PURB: variants seen among roughly 807,000 people sequenced by gnomAD.
The protein encoded by PURB is transcriptional regulator protein Pur-beta.
In PURB, 11 loss-of-function variants were observed where a neutral mutation model predicts 21.1. That is an observed-to-expected ratio of 0.52 (90% CI 0.33 to 0.86). The LOEUF is 0.86. Ranked by LOEUF, PURB falls within the 40% of genes least tolerant of loss-of-function variation. The pLI is 0.02. For missense variants in PURB, 357 were observed against 456.5 expected (o/e 0.78, Z 1.99); for synonymous variants, 246 against 210.8 (o/e 1.17, Z -1.45).
In PURB at chr7:44,877,137, C is replaced by T. The variant is rs181552008; in HGVS notation, c.*7273G>A. 1.3e-5 allele frequency: 2 copies of T among 152,732 alleles called. No individual in the cohort carries two copies. The highest frequency in any genetic ancestry group is 6.5e-5 in the Admixed American group (1 of 15,300). The allele number at this position is 152,732 out of a possible 1,614,324, so 9.5% of individuals were successfully genotyped here. ...GATTCTCTACTGGCAGGACATCAGTCCCAGCTTTGGAGTGAATAGTCTAAG... is the reference window on the plus strand; with the variant it reads ...GATTCTCTACTGGCAGGACATCAGTTCCAGCTTTGGAGTGAATAGTCTAAG... On this transcript the variant is annotated 3_prime_UTR_variant, in exon 1 of 1. Transcript: ENST00000395699.
Position 44,878,706 on chromosome 7 carries a change from T to C in PURB, c.*5704A>G, listed in dbSNP as rs1397909105. 3.3e-5 allele frequency: 5 copies of C among 152,680 alleles called. No homozygotes were observed. The highest frequency in any genetic ancestry group is 1.2e-4 in the African/African-American group (5 of 41,464). 9.5% of individuals were successfully genotyped at this position (152,680 alleles called of 1,614,324 possible). A position where few individuals can be genotyped will look rare whatever the true frequency, so the allele number is the denominator to read the frequency against. On this transcript the variant is annotated 3_prime_UTR_variant, in exon 1 of 1. Transcript: ENST00000395699. The stretch of plus-strand genomic sequence containing the variant: ...CTTACTTGGATCAGGGGTACAGATA[T>C]CAATTGGGAATCTCTAAGGTAATAA...
At position 44,884,557 on chromosome 7, in the gene PURB, G is replaced by C. The variant is rs1793927306; in HGVS notation, c.792C>G (p.Ala264=). ...YRNAITVPFK[A]WGKFGGAFCR... ...AAAAGGCGCCTCCGAACTTGCCCCA[G>C]GCTTTGAAGGGTACGGTGATGGCAT... The change falls in exon 1 of 1, where the codon GCC becomes GCG. Residue 264 remains alanine (A), a synonymous_variant. Transcript: ENST00000395699. 5 of 1,614,156 alleles carry C rather than the reference G, an allele frequency of 3.1e-6. No individual in the cohort carries two copies. The highest frequency in any genetic ancestry group is 1.6e-4 in the Middle Eastern group (1 of 6,062).
rs140639322 is a variant in PURB, at chr7:44,883,892, A to G, written c.*518T>C. 173 of 154,936 alleles carry G rather than the reference A, an allele frequency of 1.1e-3. No homozygotes were observed. Among genetic ancestry groups the G allele is most frequent in the Non-Finnish European group, 2.0e-3 (139 of 69,774 alleles). The allele number at this position is 154,936 out of a possible 1,614,324, so 9.6% of individuals were successfully genotyped here. On this transcript the variant is annotated 3_prime_UTR_variant, in exon 1 of 1. Coordinates refer to ENST00000395699, the MANE Select transcript of PURB (RefSeq NM_033224.5). ...AACCCTCAGAACTGGGTAATTGTAA[A>G]GGCCTCTCTTCTCAAGGATTCCATG...
chr7:44,880,941 C>G lies in PURB; in HGVS notation c.*3469G>C, dbSNP rs1193066494. On this transcript the variant is annotated 3_prime_UTR_variant, in exon 1 of 1. Transcript: ENST00000395699. ...TTTCACTTTGATTTTTGGTGCCATA[C>G]AGATTTATATTTTGTTCTTGTGCAG... The G allele has an allele frequency of 2.6e-5, 4 of 152,554 alleles. No homozygotes were observed. The highest frequency in any genetic ancestry group is 1.5e-5 in the Non-Finnish European group (1 of 68,026). The allele number at this position is 152,554 out of a possible 1,614,324, so 9.5% of individuals were successfully genotyped here.
In PURB at chr7:44,876,912, C is replaced by G. The variant is rs1793809307; in HGVS notation, c.*7498G>C. ...GTGCAGCTTCTCTTGAAGCAGAAAT[C>G]AGTTCTACAAATTCATACACAGGAA... On this transcript the variant is annotated 3_prime_UTR_variant, in exon 1 of 1. Transcript: ENST00000395699. 2 of 152,610 alleles carry G rather than the reference C, an allele frequency of 1.3e-5. No individual in the cohort carries two copies. 9.5% of individuals were successfully genotyped at this position (152,610 alleles called of 1,614,324 possible). A position where few individuals can be genotyped will look rare whatever the true frequency, so the allele number is the denominator to read the frequency against.
At position 44,880,387 on chromosome 7, in the gene PURB, A is replaced by G. The variant is rs1199172544; in HGVS notation, c.*4023T>C. On this transcript the variant is annotated 3_prime_UTR_variant, in exon 1 of 1. Transcript: ENST00000395699. ...ATAAAGTACCATAATTGGGTTAAAA[A>G]TGAAAACAAAATTTACAGTGAAGAA... The G allele has an allele frequency of 6.5e-6, 1 of 152,688 alleles. No individual in the cohort carries two copies. Among genetic ancestry groups the G allele is most frequent in the African/African-American group, 2.4e-5 (1 of 41,460 alleles). The allele number at this position is 152,688 out of a possible 1,614,324, so 9.5% of individuals were successfully genotyped here.
Position 44,877,272 on chromosome 7 carries a change from T to G in PURB, c.*7138A>C, listed in dbSNP as rs1164373132. ...TTTTAAAAATGATCTTGGAAAAACA[T>G]CTGGATGGAGGCCCAAAATAATAAA... On this transcript the variant is annotated 3_prime_UTR_variant, in exon 1 of 1. Transcript: ENST00000395699. 1 of 152,204 alleles carries G rather than the reference T, an allele frequency of 6.6e-6. No homozygotes were observed. Among genetic ancestry groups the G allele is most frequent in the Non-Finnish European group, 1.5e-5 (1 of 68,030 alleles). The allele number at this position is 152,204 out of a possible 1,614,324, so 9.4% of individuals were successfully genotyped here. A position where few individuals can be genotyped will look rare whatever the true frequency, so the allele number is the denominator to read the frequency against.
In PURB at chr7:44,885,292, G is replaced by A; in HGVS notation, c.57C>T (p.Phe19=). ...CGCCGCCGCCGCGGGACGCGGGCTG[G>A]AACCCGCACGGCCCACCGCCGCCGC... ...ERGGGGGPCG[F]QPASRGGGEQ... The change falls in exon 1 of 1, where the codon TTC becomes TTT. Residue 19 remains phenylalanine, a synonymous_variant. Coordinates refer to ENST00000395699, the MANE Select transcript of PURB (RefSeq NM_033224.5). The A allele has an allele frequency of 6.6e-7, 1 of 1,517,274 alleles. No homozygotes were observed. Among genetic ancestry groups the A allele is most frequent in the Non-Finnish European group, 8.7e-7 (1 of 1,143,876 alleles). The allele number at this position is 1,517,274 out of a possible 1,614,324, so 94.0% of individuals were successfully genotyped here.
At position 44,876,916 on chromosome 7, in the gene PURB, T is replaced by A. The variant is rs530115882; in HGVS notation, c.*7494A>T. On this transcript the variant is annotated 3_prime_UTR_variant, in exon 1 of 1. Coordinates refer to ENST00000395699, the MANE Select transcript of PURB (RefSeq NM_033224.5). ...AGCTTCTCTTGAAGCAGAAATCAGT[T>A]CTACAAATTCATACACAGGAATACA... The A allele has an allele frequency of 3.3e-5, 5 of 152,750 alleles. No individual in the cohort carries two copies. The highest frequency in any genetic ancestry group is 5.9e-5 in the Non-Finnish European group (4 of 68,036). 9.5% of individuals were successfully genotyped at this position (152,750 alleles called of 1,614,324 possible).
rs550671105 is a variant in PURB, at chr7:44,885,163, G to C, written c.186C>G (p.Ala62=). The C allele has an allele frequency of 1.9e-6, 3 of 1,582,110 alleles. No homozygotes were observed. Among genetic ancestry groups the C allele is most frequent in the East Asian group, 4.8e-5 (2 of 42,104 alleles). The change falls in exon 1 of 1, where the codon GCC becomes GCG. Residue 62 remains alanine, a synonymous_variant. Coordinates refer to ENST00000395699, the MANE Select transcript of PURB (RefSeq NM_033224.5). Reference sequence around the variant, plus strand: ...TCTTGGAACCGCCCGCGCCCACCTCGGCGATCTTGAGGAAGCGGCCCTTGG... The same window carrying C: ...TCTTGGAACCGCCCGCGCCCACCTCCGCGATCTTGAGGAAGCGGCCCTTGG... ...QNAKGRFLKI[A]EVGAGGSKSR...
chr7:44,885,315 C>A lies in PURB; in HGVS notation c.34G>T (p.Gly12Cys). The change falls in exon 1 of 1, where the codon GGC becomes TGC. Residue 12 changes from glycine (G) to cysteine (C), a missense_variant. Gly to Cys is a radical substitution (Grantham distance 159). Coordinates refer to ENST00000395699, the MANE Select transcript of PURB (RefSeq NM_033224.5). ...ADGDSGSERG[G>C]GGGPCGFQPA... ...TGGAACCCGCACGGCCCACCGCCGC[C>A]GCCGCGCTCGCTGCCGCTGTCGCCG... is the stretch of plus-strand genomic sequence containing the variant. 7.4e-7 allele frequency: 1 copy of A among 1,344,892 alleles called. No individual in the cohort carries two copies. The allele number at this position is 1,344,892 out of a possible 1,614,324, so 83.3% of individuals were successfully genotyped here. A position where few individuals can be genotyped will look rare whatever the true frequency, so the allele number is the denominator to read the frequency against.
At position 44,884,456 on chromosome 7, in the gene PURB, C is replaced by A; in HGVS notation, c.893G>T (p.Ser298Ile). The change falls in exon 1 of 1, where the codon AGC becomes ATC. Residue 298 changes from serine (S) to isoleucine (I), a missense_variant. Transcript: ENST00000395699. ...DKLYERRGGG[S>I]GGGEESEGEE... Reference sequence around the variant, plus strand: ...ACCCTCTGACTCTTCGCCGCCGCCGCTGCCCCCACCACGTCGCTCATAAAG... The same window carrying A: ...ACCCTCTGACTCTTCGCCGCCGCCGATGCCCCCACCACGTCGCTCATAAAG... The A allele has an allele frequency of 1.2e-6, 2 of 1,613,872 alleles. No homozygotes were observed. The highest frequency in any genetic ancestry group is 8.5e-7 in the Non-Finnish European group (1 of 1,180,016).
At position 44,885,235 on chromosome 7, in the gene PURB, C is replaced by G. The variant is rs1340933930; in HGVS notation, c.114G>C (p.Arg38=). The part of the protein sequence containing the change: ...EQETQELASK[R]LDIQNKRFYL... Reference sequence around the variant, plus strand: ...AGAAGCGCTTGTTCTGGATGTCCAGCCGCTTCGAGGCCAGCTCCTGCGTCT... The same window carrying G: ...AGAAGCGCTTGTTCTGGATGTCCAGGCGCTTCGAGGCCAGCTCCTGCGTCT... The change falls in exon 1 of 1, where the codon CGG becomes CGC. Residue 38 remains arginine (R), a synonymous_variant. Coordinates refer to ENST00000395699, the MANE Select transcript of PURB (RefSeq NM_033224.5). 1 of 1,569,304 alleles carries G rather than the reference C, an allele frequency of 6.4e-7. No individual in the cohort carries two copies. The highest frequency in any genetic ancestry group is 1.7e-4 in the Middle Eastern group (1 of 5,880).
At position 44,877,386 on chromosome 7, in the gene PURB, G is replaced by GA. The variant is rs1248629678; in HGVS notation, c.*7023dup. On this transcript the variant is annotated 3_prime_UTR_variant, in exon 1 of 1. Coordinates refer to ENST00000395699, the MANE Select transcript of PURB (RefSeq NM_033224.5). ...ACTATTCAAATATTGGTAAGTCATT[G>GA]AAAAATAACTCAGATTTACTTGTCT... The GA allele has an allele frequency of 6.6e-6, 1 of 152,190 alleles. No homozygotes were observed. The highest frequency in any genetic ancestry group is 1.5e-5 in the Non-Finnish European group (1 of 68,032). The allele number at this position is 152,190 out of a possible 1,614,324, so 9.4% of individuals were successfully genotyped here. A position where few individuals can be genotyped will look rare whatever the true frequency, so the allele number is the denominator to read the frequency against.
chr7:44,876,804 T>C lies in PURB; in HGVS notation c.*7606A>G, dbSNP rs1173763087. 1 of 152,666 alleles carries C rather than the reference T, an allele frequency of 6.6e-6. No homozygotes were observed. Among genetic ancestry groups the C allele is most frequent in the African/African-American group, 2.4e-5 (1 of 41,466 alleles). 9.5% of individuals were successfully genotyped at this position (152,666 alleles called of 1,614,324 possible). A position where few individuals can be genotyped will look rare whatever the true frequency, so the allele number is the denominator to read the frequency against. On this transcript the variant is annotated 3_prime_UTR_variant, in exon 1 of 1. Coordinates refer to ENST00000395699, the MANE Select transcript of PURB (RefSeq NM_033224.5). ...TGGTCTCTCAGCAGATATTCCCAAA[T>C]TGATCCTATCACTACAAATTTTAGT... is the stretch of plus-strand genomic sequence containing the variant.
chr7:44,882,586 T>C lies in PURB; in HGVS notation c.*1824A>G. On this transcript the variant is annotated 3_prime_UTR_variant, in exon 1 of 1. Coordinates refer to ENST00000395699, the MANE Select transcript of PURB (RefSeq NM_033224.5). The stretch of plus-strand genomic sequence containing the variant: ...AGCCACAAATACATGAAAACCTTTT[T>C]GTATATTACTCATTTCCCAATAAAT... 6.6e-6 allele frequency: 1 copy of C among 152,380 alleles called. No individual in the cohort carries two copies. Among genetic ancestry groups the C allele is most frequent in the Non-Finnish European group, 1.5e-5 (1 of 68,036 alleles). 9.4% of individuals were successfully genotyped at this position (152,380 alleles called of 1,614,324 possible).
Position 44,885,043 on chromosome 7 carries a change from G to A in PURB, c.306C>T (p.Pro102=). 1.9e-6 allele frequency: 3 copies of A among 1,554,490 alleles called. No homozygotes were observed. The highest frequency in any genetic ancestry group is 1.7e-6 in the Non-Finnish European group (2 of 1,153,344). The change falls in exon 1 of 1, where the codon CCC becomes CCT. Residue 102 remains proline, a synonymous_variant. Transcript: ENST00000395699. ...CCTCGGCGCCAGCCGCCAGCTGCTCGGGGCTGCTAGGGCCCAGCTGCGCGT... is the reference window on the plus strand; with the variant it reads ...CCTCGGCGCCAGCCGCCAGCTGCTCAGGGCTGCTAGGGCCCAGCTGCGCGT... ...EHYAQLGPSS[P]EQLAAGAEEG...
Position 44,878,751 on chromosome 7 carries a change from ATTATT to A in PURB, c.*5654_*5658del, listed in dbSNP as rs1793834731. ...TAATAAGTTTTCTTGATGCGATTTT[ATTATT>A]TTTTCATTTTCCAAATCTAATTTTC... On this transcript the variant is annotated 3_prime_UTR_variant, in exon 1 of 1. Coordinates refer to ENST00000395699, the MANE Select transcript of PURB (RefSeq NM_033224.5). 1.3e-5 allele frequency: 2 copies of A among 152,492 alleles called. No homozygotes were observed. Among genetic ancestry groups the A allele is most frequent in the African/African-American group, 4.8e-5 (2 of 41,412 alleles). The allele number at this position is 152,492 out of a possible 1,614,324, so 9.4% of individuals were successfully genotyped here. A position where few individuals can be genotyped will look rare whatever the true frequency, so the allele number is the denominator to read the frequency against.
chr7:44,884,281 GTT>G lies in PURB; in HGVS notation c.*127_*128del. On this transcript the variant is annotated 3_prime_UTR_variant, in exon 1 of 1. Transcript: ENST00000395699. ...CGATTATTTCTCTTAACTGTGTTAC[GTT>G]TTGTTTTTTCCCTCTGCGGCCTCCC... is the stretch of plus-strand genomic sequence containing the variant. 6.8e-7 allele frequency: 1 copy of G among 1,475,114 alleles called. No homozygotes were observed. The highest frequency in any genetic ancestry group is 2.3e-5 in the East Asian group (1 of 42,654). The allele number at this position is 1,475,114 out of a possible 1,614,324, so 91.4% of individuals were successfully genotyped here.
Sources: gnomAD v4.1 joint callset for allele counts on GRCh38, gnomAD v4.1.1 for gene constraint, MANE v1.5 for transcripts, NCBI Gene and HGNC (gene_info 2026-07-23, HGNC 2026-07-21) for gene names.